Variants in WWOX observed in about 807,000 individuals in gnomAD.
The protein encoded by WWOX is WW domain containing oxidoreductase.
WWOX carries 69 observed loss-of-function variants against 46.2 expected under a neutral mutation model. The observed-to-expected ratio is 1.49, with a 90% CI of 1.23 to 1.82. The LOEUF (loss-of-function observed/expected upper bound fraction) is 1.82. Ranked by LOEUF, WWOX falls within the 40% of genes most tolerant of loss-of-function variation. The probability of loss-of-function intolerance (pLI) is 0.00; values close to 1 mark genes in which losing one functional copy is unlikely to be tolerated. For synonymous variants in WWOX, 359 were observed against 202.6 expected, an observed-to-expected ratio of 1.77 and a Z score of -6.56; for missense variants, 919 against 542.6, an observed-to-expected ratio of 1.69 and a Z score of -6.89.
At chr16:78,240,165 A>G (rs570695727) in intron 5 of WWOX, among the ~76,000 whole-genome samples, 1 of 152,250 alleles carries the variant, frequency 6.6e-6, no homozygotes, top group East Asian at 1.9e-4. Flanking sequence ...CCTAAATCCA[A>G]TGACGGTTAT....
chr16:78,324,625 G>C (rs1418408856), intron 5 of WWOX, among the ~76,000 whole-genome samples: 6 of 152,130 alleles, frequency 3.9e-5, no homozygotes, highest in Non-Finnish European at 8.8e-5. Context: ...ACAAAGTCCT[G>C]AGGCATTCTA....
intron 8 of WWOX, among the ~76,000 whole-genome samples, chr16:78,498,962 T>G (rs2084986719): frequency 6.6e-6 from 1 of 152,334 alleles, no homozygotes; most frequent in African/African-American, 2.4e-5. Context: ...AGATGGAATA[T>G]TATGAAGGCT....
intron 8 of WWOX, among the ~76,000 whole-genome samples, chr16:78,514,024 A>G (rs574934096): frequency 2.3e-4 from 35 of 151,898 alleles, no homozygotes; most frequent in African/African-American, 8.5e-4. Flanking sequence ...GTTGTATGTC[A>G]CAATTTTCTT....
intron 8 of WWOX, among the ~76,000 whole-genome samples, chr16:79,156,418 C>A (rs118146810): frequency 3.3e-5 from 5 of 152,206 alleles, no homozygotes; most frequent in African/African-American, 1.2e-4. Flanking sequence ...GCCTCAGCCT[C>A]CCAAAGTGCT....
At chr16:78,500,385 C>T (rs1376194718) in intron 8 of WWOX, among the ~76,000 whole-genome samples, 1 of 130,870 alleles carries the variant, frequency 7.6e-6, no homozygotes, top group African/African-American at 2.8e-5. Context: ...GCATTTCTTT[C>T]TTCCTTCCTC....
chr16:78,963,981 C>A (rs368004898), intron 8 of WWOX, among the ~76,000 whole-genome samples: 1 of 152,124 alleles, frequency 6.6e-6, no homozygotes, highest in Non-Finnish European at 1.5e-5. Context: ...TCTCTTGCCA[C>A]CACCATGTAA....
At chr16:78,759,300 G>C (rs545251901) in intron 8 of WWOX, among the ~76,000 whole-genome samples, 7 of 152,206 alleles carry the variant, frequency 4.6e-5, no homozygotes, top group Non-Finnish European at 1.0e-4. Context: ...TGCTTGGTGA[G>C]AAATGAATTC....
chr16:79,058,781 A>C (rs527761613), intron 8 of WWOX, among the ~76,000 whole-genome samples: 1 of 152,224 alleles, frequency 6.6e-6, no homozygotes, highest in Admixed American at 6.5e-5. Context: ...ATTTTATTCT[A>C]TACTAACAAA....
intron 8 of WWOX, among the ~76,000 whole-genome samples, chr16:78,865,567 A>G (rs2043985475): frequency 6.6e-6 from 1 of 152,164 alleles, no homozygotes; most frequent in Admixed American, 6.5e-5. Flanking sequence ...GAGGCAAGGT[A>G]GGTAAAGTGC....
intron 6 of WWOX, among the ~76,000 whole-genome samples, chr16:78,392,860 C>G (rs893595122): frequency 6.6e-6 from 1 of 152,134 alleles, no homozygotes; most frequent in Non-Finnish European, 1.5e-5. Context: ...TCTGTTTACT[C>G]ACTCCCATTT....
chr16:78,730,533 C>T (rs942222694), intron 8 of WWOX, among the ~76,000 whole-genome samples: 3 of 151,934 alleles, frequency 2.0e-5, no homozygotes, highest in African/African-American at 7.3e-5. Context: ...CTCACTGCAG[C>T]CTCAACCGCC....
chr16:78,979,623 C>T (rs2046642125), intron 8 of WWOX, among the ~76,000 whole-genome samples: 1 of 152,120 alleles, frequency 6.6e-6, no homozygotes. Flanking sequence ...TACCGATGCT[C>T]TTGAAAGGAT....
rs141152600 is a variant in WWOX, at chr16:78,355,773, C to T, written c.517-31087C>T. 46 of 699,640 alleles carry T rather than the reference C, an allele frequency of 6.6e-5. No homozygotes were observed. The East Asian group carries it at 1.5e-3, about 24-fold the overall frequency. The allele number at this position is 699,640 out of a possible 1,614,324, so 43.3% of individuals were successfully genotyped here. A position where few individuals can be genotyped will look rare whatever the true frequency, so the allele number is the denominator to read the frequency against. ...TATGAATCAACAAAACAGAATATTCCAGTGTTCTTTCTCCGGGGAGATGGC... is the reference window on the plus strand; with the variant it reads ...TATGAATCAACAAAACAGAATATTCTAGTGTTCTTTCTCCGGGGAGATGGC... On this transcript the variant is annotated intron_variant, in intron 5 of 8. Coordinates refer to ENST00000566780, the MANE Select transcript of WWOX (RefSeq NM_016373.4).
At position 78,754,237 on chromosome 16, in the gene WWOX, T is replaced by C. The variant is rs1289514000; in HGVS notation, c.1056+321485T>C. 2.6e-5 allele frequency among the ~76,000 whole-genome samples: 4 copies of C among 152,232 alleles called. No individual in the cohort carries two copies. The South Asian group carries it at 6.2e-4, about 24-fold the overall frequency. ...TGGACTTTAGGATGCCTCACTTCTC[T>C]TCCTGAGATTCTTGCTTCCTTCTTC... On this transcript the variant is annotated intron_variant, in intron 8 of 8. Transcript: ENST00000566780.
chr16:78,334,259 T>C (rs941144368), intron 5 of WWOX, among the ~76,000 whole-genome samples: 3 of 152,242 alleles, frequency 2.0e-5, no homozygotes, highest in Non-Finnish European at 2.9e-5. Context: ...TTAGTTATTA[T>C]GCTGTGAATA....
At chr16:78,396,259 A>G (rs2151940924) in intron 6 of WWOX, among the ~76,000 whole-genome samples, 1 of 152,332 alleles carries the variant, frequency 6.6e-6, no homozygotes, top group Non-Finnish European at 1.5e-5. Context: ...GGTGGAGAGA[A>G]TAATTATTAC....
intron 8 of WWOX, among the ~76,000 whole-genome samples, chr16:78,480,271 T>C (rs62036360): frequency 0.08 from 12,153 of 152,274 alleles, 950 homozygotes; most frequent in African/African-American, 0.21. Context: ...TCTACCATAG[T>C]AGAATGCTCT....
chr16:78,677,855 C>T (rs1185694598), intron 8 of WWOX, among the ~76,000 whole-genome samples: 5 of 152,182 alleles, frequency 3.3e-5, no homozygotes, highest in African/African-American at 4.8e-5. Flanking sequence ...CAGAACCAAA[C>T]ATTTCTTAGG....
intron 8 of WWOX, among the ~76,000 whole-genome samples, chr16:78,485,027 C>G (rs1440800370): frequency 6.6e-6 from 1 of 151,974 alleles, no homozygotes; most frequent in Non-Finnish European, 1.5e-5. Context: ...TCCCTTAGAA[C>G]CAAAGATGCC....
Sources: gnomAD v4.1 joint callset for allele counts (sites outside exome capture counted in the v4.1 genomes callset) on GRCh38, gnomAD v4.1.1 for gene constraint, MANE v1.5 for transcripts, NCBI Gene and HGNC (gene_info 2026-07-23, HGNC 2026-07-21) for gene names.